Variants in UNC5D observed in about 807,000 individuals in gnomAD.
UNC5D encodes netrin receptor UNC5D.
UNC5D carries 39 observed loss-of-function variants against 105.4 expected under a neutral mutation model. The ratio of observed to expected loss-of-function variants is 0.37; its 90% CI spans 0.29 to 0.48. The LOEUF (loss-of-function observed/expected upper bound fraction) is 0.48, where lower values mean the gene tolerates loss of function less well. Among genes scored for constraint, UNC5D ranks in the 20% least tolerant of loss-of-function variants. The pLI is 0.98. For missense variants in UNC5D, 991 were observed against 1,202.4 expected, an observed-to-expected ratio of 0.82 and a Z score of 2.60; for synonymous variants, 452 against 450.4, an observed-to-expected ratio of 1.00 and a Z score of -0.04.
intron 1 of UNC5D, among the ~76,000 whole-genome samples, chr8:35,303,532 T>C (rs902633531): frequency 7.2e-5 from 11 of 152,190 alleles, no homozygotes; most frequent in Non-Finnish European, 1.3e-4. Context: ...AACATTTAAA[T>C]CTGAGTTAAC....
At chr8:35,499,286 T>C (rs768092654) in intron 1 of UNC5D, among the ~76,000 whole-genome samples, 15 of 152,354 alleles carry the variant, frequency 9.8e-5, no homozygotes, top group East Asian at 1.9e-4. Context: ...GGCACCTACA[T>C]GAAGTCGATA....
At chr8:35,403,031 A>T (rs140396351) in intron 1 of UNC5D, among the ~76,000 whole-genome samples, 4 of 152,232 alleles carry the variant, frequency 2.6e-5, no homozygotes, top group Non-Finnish European at 4.4e-5. Flanking sequence ...GATGGACACT[A>T]TCAGGTTCTG....
At chr8:35,397,322 A>G (rs1278420230) in intron 1 of UNC5D, among the ~76,000 whole-genome samples, 6 of 152,232 alleles carry the variant, frequency 3.9e-5, no homozygotes, top group African/African-American at 1.4e-4. Context: ...GTGTTTGTAC[A>G]AACAGTTCAG....
chr8:35,577,223 T>C (rs1339929453), intron 3 of UNC5D, among the ~76,000 whole-genome samples: 1 of 152,250 alleles, frequency 6.6e-6, no homozygotes, highest in Non-Finnish European at 1.5e-5. Context: ...GACAAAATAC[T>C]ATTATCTATT....
intron 1 of UNC5D, among the ~76,000 whole-genome samples, chr8:35,347,299 T>G (rs1811873296): frequency 1.3e-5 from 2 of 152,012 alleles, no homozygotes; most frequent in Non-Finnish European, 2.9e-5. Context: ...GGTGTGTATT[T>G]AGTCATTCAT....
At chr8:35,652,789 CTT>C (rs1450747626) in intron 4 of UNC5D, among the ~76,000 whole-genome samples, 2 of 151,748 alleles carry the variant, frequency 1.3e-5, no homozygotes, top group African/African-American at 4.8e-5. Context: ...TTTACGTGGA[CTT>C]CTCTCTCTGT....
chr8:35,315,839 G>A (rs540432192), intron 1 of UNC5D, among the ~76,000 whole-genome samples: 1 of 152,284 alleles, frequency 6.6e-6, no homozygotes, highest in East Asian at 1.9e-4. Flanking sequence ...TCTAGAGGCA[G>A]ATTCTTACCC....
At position 35,568,109 on chromosome 8, in the gene UNC5D, C is replaced by T. The variant is rs778210897; in HGVS notation, c.334C>T (p.Arg112Cys). The change falls in exon 3 of 17, where the codon CGC (arginine) becomes TGC (cysteine). Residue 112 changes from arginine (R) to cysteine (C), a missense_variant. Around this residue, in one of 3 missense-constraint regions of UNC5D, gnomAD observed 944 missense variants for 1,131.6 expected, o/e 0.83. Transcript: ENST00000404895. The stretch of plus-strand genomic sequence containing the variant: ...TCTCCCACCATCAGGTTTGAAGGTC[C>T]GCGAAGTGTTCATCAATGTTACTAG... ...TLDESSGLKV[R>C]EVFINVTRQQ... is the part of the protein sequence containing the mutation. 12 of 1,614,048 alleles carry T rather than the reference C, an allele frequency of 7.4e-6. No homozygotes were observed. Among genetic ancestry groups the T allele is most frequent in the East Asian group, 6.7e-5 (3 of 44,870 alleles).
chr8:35,452,669 AT>A (rs1808235446), intron 1 of UNC5D, among the ~76,000 whole-genome samples: 1 of 152,144 alleles, frequency 6.6e-6, no homozygotes, highest in African/African-American at 2.4e-5. Context: ...CTTTTTTTGA[AT>A]TCCTTATGAT....
At chr8:35,446,095 G>T (rs1807771769) in intron 1 of UNC5D, among the ~76,000 whole-genome samples, 2 of 151,562 alleles carry the variant, frequency 1.3e-5, no homozygotes, top group South Asian at 4.2e-4. Flanking sequence ...TGAGATTTTG[G>T]TGCACCCATT....
intron 2 of UNC5D, among the ~76,000 whole-genome samples, chr8:35,550,481 T>C (rs935628128): frequency 6.6e-6 from 1 of 152,160 alleles, no homozygotes; most frequent in Non-Finnish European, 1.5e-5. Flanking sequence ...ATATCCGATT[T>C]TTGAATAAGT....
intron 1 of UNC5D, among the ~76,000 whole-genome samples, chr8:35,543,592 A>C (rs1367845103): frequency 6.6e-6 from 1 of 152,228 alleles, no homozygotes; most frequent in Admixed American, 6.5e-5. Context: ...CTGCTTTAAA[A>C]GAAACATTTA....
At chr8:35,668,109 C>G (rs1242969295) in intron 4 of UNC5D, among the ~76,000 whole-genome samples, 1 of 152,098 alleles carries the variant, frequency 6.6e-6, no homozygotes, top group Non-Finnish European at 1.5e-5. Context: ...ACCTTAGATT[C>G]AATATTTGCC....
At chr8:35,765,640 T>A (rs930649260) in intron 14 of UNC5D, among the ~76,000 whole-genome samples, 4 of 152,070 alleles carry the variant, frequency 2.6e-5, no homozygotes, top group Non-Finnish European at 5.9e-5. Context: ...ATAGAGAAAA[T>A]TAGGAAGCAA....
intron 1 of UNC5D, among the ~76,000 whole-genome samples, chr8:35,437,367 G>T (rs1295746422): frequency 1.4e-5 from 2 of 147,130 alleles, no homozygotes; most frequent in Non-Finnish European, 3.0e-5. Context: ...AAACTGCAAT[G>T]AAAAAAAAAA....
At chr8:35,355,775 G>A (rs922501261) in intron 1 of UNC5D, among the ~76,000 whole-genome samples, 4 of 152,142 alleles carry the variant, frequency 2.6e-5, no homozygotes, top group Non-Finnish European at 5.9e-5. Flanking sequence ...AAGGTCATGA[G>A]TGACCTTATA....
intron 1 of UNC5D, among the ~76,000 whole-genome samples, chr8:35,384,173 C>T (rs1028077757): frequency 1.3e-5 from 2 of 150,098 alleles, no homozygotes; most frequent in Admixed American, 6.6e-5. Flanking sequence ...AAGCCGAGAT[C>T]GTGCCACTAC....
chr8:35,538,395 T>TTATATATATG (rs1554553469), intron 1 of UNC5D, among the ~76,000 whole-genome samples: 2 of 82,446 alleles, frequency 2.4e-5, no homozygotes, highest in Non-Finnish European at 4.9e-5. Context: ...AAAAAAATAA[T>TTATATATATG]TATATATATA....
At chr8:35,482,507 T>G (rs1224168602) in intron 1 of UNC5D, among the ~76,000 whole-genome samples, 1 of 152,188 alleles carries the variant, frequency 6.6e-6, no homozygotes, top group Non-Finnish European at 1.5e-5. Flanking sequence ...TGCCACACTT[T>G]CTAGTCACTT....
Sources: allele counts gnomAD v4.1 joint callset (sites outside exome capture counted in the v4.1 genomes callset), GRCh38; gene constraint gnomAD v4.1.1; regional missense constraint gnomAD v4.1.1; transcripts MANE v1.5; gene names NCBI Gene and HGNC (gene_info 2026-07-23, HGNC 2026-07-21).